The following ULK4 variants were observed in gnomAD, a reference collection of about 807,000 sequenced individuals.
The protein encoded by ULK4 is unc-51 like kinase 4, also known as inactive serine/threonine-protein kinase ULK4.
Under a neutral mutation model 160.6 loss-of-function variants are expected in ULK4, and 133 were observed. The ratio of observed to expected loss-of-function variants is 0.83; its 90% CI spans 0.72 to 0.96. The LOEUF is 0.96. ULK4 is among the 40% of genes least tolerant of loss of function. The probability of loss-of-function intolerance (pLI) is 0.00; values close to 1 mark genes in which losing one functional copy is unlikely to be tolerated. For missense variants in ULK4, 1,580 were observed against 1,499.5 expected (o/e 1.05, Z -0.89); for synonymous variants, 534 against 539.8 (o/e 0.99, Z 0.15).
At chr3:41,434,394 C>T (rs1321335730) in intron 34 of ULK4, among the ~76,000 whole-genome samples, 1 of 152,042 alleles carries the variant, frequency 6.6e-6, no homozygotes, top group African/African-American at 2.4e-5. Context: ...TGCATATATA[C>T]TATGATTTCA....
intron 32 of ULK4, among the ~76,000 whole-genome samples, chr3:41,484,078 A>G (rs4973955): frequency 0.42 from 63,923 of 151,504 alleles, 13,653 homozygotes; most frequent in African/African-American, 0.48. Context: ...AGTAGCGAAC[A>G]TAATTTCTTT....
intron 29 of ULK4, among the ~76,000 whole-genome samples, chr3:41,679,549 GTTTACA>G (rs991203797): frequency 1.3e-5 from 2 of 152,132 alleles, no homozygotes; most frequent in African/African-American, 4.8e-5. Flanking sequence ...CTGCCATGTG[GTTTACA>G]TTTACATTTT....
At chr3:41,554,612 C>T (rs983902039) in intron 32 of ULK4, among the ~76,000 whole-genome samples, 15 of 151,968 alleles carry the variant, frequency 9.9e-5, no homozygotes, top group Admixed American at 2.0e-4. Flanking sequence ...AAACATATAC[C>T]GAGATGGAAG....
rs1420092332 is a variant in ULK4, at chr3:41,706,896, TATATAG to T, written c.2635-1597_2635-1592del. Among the ~76,000 whole-genome samples, 40 of 130,036 alleles carry T rather than the reference TATATAG, an allele frequency of 3.1e-4. 1 individual carries two copies. In the South Asian group the frequency reaches 7.9e-3, roughly 26 times the overall value. 85.3% of individuals were successfully genotyped at this position (130,036 alleles called of 152,430 possible). A position where few individuals can be genotyped will look rare whatever the true frequency, so the allele number is the denominator to read the frequency against. ...GTGTGTGTGTGTGTGTGTGTATATA[TATATAG>T]AGAGAGAGAGAGAATAGAATCTATG... is the stretch of plus-strand genomic sequence containing the variant. On this transcript the variant is annotated intron_variant, in intron 25 of 36. Transcript: ENST00000301831.
chr3:41,502,983 T>C (rs1476381237), intron 32 of ULK4, among the ~76,000 whole-genome samples: 1 of 152,026 alleles, frequency 6.6e-6, no homozygotes, highest in East Asian at 1.9e-4. Flanking sequence ...AAAGATGCAA[T>C]ATCCTTTGAC....
chr3:41,750,863 G>A (rs111621743), intron 22 of ULK4, among the ~76,000 whole-genome samples: 179 of 151,644 alleles, frequency 1.2e-3, no homozygotes, highest in African/African-American at 4.0e-3. Flanking sequence ...GGTGGCGGGC[G>A]CCTGTAGTCC....
At chr3:41,342,800 C>A (rs1307356874) in intron 35 of ULK4, among the ~76,000 whole-genome samples, 1 of 152,170 alleles carries the variant, frequency 6.6e-6, no homozygotes, top group African/African-American at 2.4e-5. Flanking sequence ...CCGAATCCAG[C>A]AGCACATCAA....
chr3:41,702,307 G>T (rs1038832199), intron 27 of ULK4, among the ~76,000 whole-genome samples: 1 of 152,092 alleles, frequency 6.6e-6, no homozygotes, highest in Non-Finnish European at 1.5e-5. Context: ...ACCACATCCA[G>T]CTAACTTTTG....
At chr3:41,645,284 T>C (rs1460512665) in intron 30 of ULK4, among the ~76,000 whole-genome samples, 2 of 151,776 alleles carry the variant, frequency 1.3e-5, no homozygotes, top group Non-Finnish European at 2.9e-5. Context: ...ATTGTGATGT[T>C]AGGGTGTCAA....
chr3:41,291,074 G>GA (rs2079551571), intron 35 of ULK4, among the ~76,000 whole-genome samples: 1 of 150,776 alleles, frequency 6.6e-6, no homozygotes, highest in African/African-American at 2.5e-5. Flanking sequence ...TTTGTTTTTG[G>GA]TTCGCGGTGA....
intron 17 of ULK4, among the ~76,000 whole-genome samples, chr3:41,845,572 T>C (rs2042051740): frequency 6.6e-6 from 1 of 152,140 alleles, no homozygotes; most frequent in South Asian, 2.1e-4. Flanking sequence ...ATATGAGGGA[T>C]CCTTGCAGTG....
intron 34 of ULK4, among the ~76,000 whole-genome samples, chr3:41,422,198 G>A (rs1575539326): frequency 6.6e-6 from 1 of 152,036 alleles, no homozygotes; most frequent in African/African-American, 2.4e-5. Flanking sequence ...AGGCAGAAAG[G>A]GTGATCATGT....
At chr3:41,808,035 A>T (rs1348781441) in intron 19 of ULK4, among the ~76,000 whole-genome samples, 1 of 152,122 alleles carries the variant, frequency 6.6e-6, no homozygotes. Flanking sequence ...GTAAGCCTTA[A>T]CTGGACAGGT....
chr3:41,863,465 G>A (rs891858462), intron 17 of ULK4, among the ~76,000 whole-genome samples: 1 of 152,102 alleles, frequency 6.6e-6, no homozygotes, highest in African/African-American at 2.4e-5. Context: ...TACCTAAGGT[G>A]CAAGACAAAG....
At chr3:41,888,955 G>A (rs1049699905) in intron 16 of ULK4, among the ~76,000 whole-genome samples, 4 of 152,180 alleles carry the variant, frequency 2.6e-5, no homozygotes, top group African/African-American at 9.7e-5. Context: ...TGGAGAAAGA[G>A]ACTTAGGCAA....
At chr3:41,734,214 T>C (rs531577780) in intron 22 of ULK4, among the ~76,000 whole-genome samples, 1 of 152,244 alleles carries the variant, frequency 6.6e-6, no homozygotes, top group African/African-American at 2.4e-5. Context: ...GGGGACCATC[T>C]TTTTGGAGGA....
intron 34 of ULK4, among the ~76,000 whole-genome samples, chr3:41,431,010 T>C (rs2082890620): frequency 6.6e-6 from 1 of 152,212 alleles, no homozygotes; most frequent in African/African-American, 2.4e-5. Context: ...TATTGTTGAC[T>C]GTAGCCATAG....
intron 35 of ULK4, among the ~76,000 whole-genome samples, chr3:41,371,133 C>T (rs1045319737): frequency 6.6e-6 from 1 of 152,210 alleles, no homozygotes; most frequent in Non-Finnish European, 1.5e-5. Flanking sequence ...GAAAGAAAGG[C>T]AGCAGCTCCA....
rs28552856 is a variant in ULK4 at position 41,612,404 on chromosome 3, G to C, written c.3120+3265C>G. On this transcript the variant is annotated intron_variant, in intron 31 of 36. Transcript: ENST00000301831. ...CTTCCCCGGGGTCCACAGCTTTCCA[G>C]ACCTACCTTCGTAACAGCTCCTATA... Among the ~76,000 whole-genome samples, 14 of 151,906 alleles carry C rather than the reference G, an allele frequency of 9.2e-5. No homozygotes were observed. In the South Asian group the frequency reaches 2.7e-3, roughly 29 times the overall value.
Sources: allele counts gnomAD v4.1 joint callset (sites outside exome capture counted in the v4.1 genomes callset), GRCh38; gene constraint gnomAD v4.1.1; transcripts MANE v1.5; gene names NCBI Gene and HGNC (gene_info 2026-07-23, HGNC 2026-07-21).